Variants in SLC6A3 observed in about 807,000 individuals in gnomAD.
SLC6A3 encodes solute carrier family 6 member 3, also known as sodium-dependent dopamine transporter.
Under a neutral mutation model 70.4 loss-of-function variants are expected in SLC6A3, and 19 were observed. That is an observed-to-expected ratio of 0.27 (90% CI 0.19 to 0.40). The LOEUF (loss-of-function observed/expected upper bound fraction) is 0.40. SLC6A3 is among the 10% of genes least tolerant of loss of function. SLC6A3 has a pLI of 1.00. For missense variants in SLC6A3, 613 were observed against 838.5 expected (o/e 0.73, Z 3.32); for synonymous variants, 368 against 356.6 (o/e 1.03, Z -0.36).
chr5:1,429,027 G>A (rs1036253256), intron 4 of SLC6A3, among the ~76,000 whole-genome samples: 2 of 152,208 alleles, frequency 1.3e-5, no homozygotes, highest in Non-Finnish European at 2.9e-5. Context: ...GAGCTGCACT[G>A]TCACACATCA....
chr5:1,435,003 C>G (rs897517096), intron 3 of SLC6A3, among the ~76,000 whole-genome samples: 1 of 152,212 alleles, frequency 6.6e-6, no homozygotes, highest in Non-Finnish European at 1.5e-5. Flanking sequence ...CTATGTGGAT[C>G]TGGTCCATAT....
At chr5:1,431,411 T>G (rs1044866640) in intron 4 of SLC6A3, among the ~76,000 whole-genome samples, 1 of 145,854 alleles carries the variant, frequency 6.9e-6, no homozygotes, top group African/African-American at 2.6e-5. Flanking sequence ...CGGGCCTGGA[T>G]GGGGTGGACT....
intron 4 of SLC6A3, among the ~76,000 whole-genome samples, chr5:1,429,157 A>C (rs1756639119): frequency 1.3e-5 from 2 of 152,204 alleles, no homozygotes; most frequent in African/African-American, 4.8e-5. Flanking sequence ...TTTGAAATCC[A>C]GAACACCCCT....
intron 4 of SLC6A3, 143 bp downstream of exon 4, chr5:1,432,321 G>T: frequency 1.4e-6 from 1 of 711,792 alleles, no homozygotes; most frequent in Non-Finnish European, 2.5e-6. Flanking sequence ...CCCCTCCAGA[G>T]CACTAAAGGG....
chr5:1,443,844 G>C (rs759436331), intron 1 of SLC6A3, among the ~76,000 whole-genome samples: 24 of 150,678 alleles, frequency 1.6e-4, no homozygotes, highest in African/African-American at 4.9e-4. Context: ...AGTTATTTTT[G>C]TGTGTGTTTT....
rs185545887 is a variant in SLC6A3, at chr5:1,432,202, C to A, written c.653+262G>T. ...ATCAGCCCCCTCCCACCCTGAGCTG[C>A]CGCTGGGAGCAGCCAAGGGAGCTGC... On this transcript the variant is annotated intron_variant, in intron 4 of 14. Transcript: ENST00000270349. 1.7e-3 allele frequency among the ~76,000 whole-genome samples: 264 copies of A among 152,240 alleles called. 2 individuals carry two copies. Among genetic ancestry groups the A allele is most frequent in the African/African-American group, 5.8e-3 (243 of 41,548 alleles).
chr5:1,413,316 G>A lies in SLC6A3; in HGVS notation c.1156+1375C>T, dbSNP rs1022383418. On this transcript the variant is annotated intron_variant, in intron 8 of 14. Coordinates refer to ENST00000270349, the MANE Select transcript of SLC6A3 (RefSeq NM_001044.5). This position sits in a 1 kb window ranked among gnomAD's most constrained non-coding sequence, Gnocchi z 7.1. ...TAGTGGAAAGAACATGGGCTTAGGA[G>A]GCCCACCTCTGAGCTGTGGCTCCAG... Among the ~76,000 whole-genome samples the A allele has an allele frequency of 6.6e-6, 1 of 152,186 alleles. No individual in the cohort carries two copies. The highest frequency in any genetic ancestry group is 6.5e-5 in the Admixed American group (1 of 15,282).
At chr5:1,417,292 G>A (rs951558181) in intron 6 of SLC6A3, among the ~76,000 whole-genome samples, 8 of 151,920 alleles carry the variant, frequency 5.3e-5, no homozygotes, top group African/African-American at 1.2e-4. Flanking sequence ...CATGATGGTG[G>A]CGCCCTGACA....
Position 1,394,697 on chromosome 5 carries a change from T to TA in SLC6A3, c.*37_*38insT. 6.2e-7 allele frequency: 1 copy of TA among 1,607,046 alleles called. No individual in the cohort carries two copies. Among genetic ancestry groups the TA allele is most frequent in the Non-Finnish European group, 8.5e-7 (1 of 1,173,640 alleles). ...CTTGGTTTGTTCGTGTCTCTCCCATTGCAGGATGACTTCCTGGGGTCTTCG... is the reference window on the plus strand; with the variant it reads ...CTTGGTTTGTTCGTGTCTCTCCCATTAGCAGGATGACTTCCTGGGGTCTTCG... On this transcript the variant is annotated 3_prime_UTR_variant, in exon 15 of 15. Coordinates refer to ENST00000270349, the MANE Select transcript of SLC6A3 (RefSeq NM_001044.5). The surrounding 1 kb of genome is among the most constrained non-coding windows in gnomAD (Gnocchi z 4.7).
At chr5:1,412,845 C>A (rs1756160730) in intron 8 of SLC6A3, among the ~76,000 whole-genome samples, 1 of 152,202 alleles carries the variant, frequency 6.6e-6, no homozygotes, top group African/African-American at 2.4e-5. Flanking sequence ...ATCAGCCAAG[C>A]AGCGGGGTCA....
At chr5:1,409,179 C>A in intron 10 of SLC6A3, 54 bp from the exon 11 acceptor site, 1 of 1,285,698 alleles carries the variant, frequency 7.8e-7, no homozygotes, top group Non-Finnish European at 1.1e-6. Context: ...CAGAGGTAAA[C>A]CCAGCCTGGG....
chr5:1,411,475 G>A lies in SLC6A3; in HGVS notation c.1157-120C>T, dbSNP rs1034067463. 1.4e-5 allele frequency: 11 copies of A among 776,080 alleles called. No homozygotes were observed. The highest frequency in any genetic ancestry group is 2.7e-5 in the East Asian group (1 of 37,368). 48.1% of individuals were successfully genotyped at this position (776,080 alleles called of 1,614,324 possible). A position where few individuals can be genotyped will look rare whatever the true frequency, so the allele number is the denominator to read the frequency against. Reference sequence around the variant, plus strand: ...GGCCTGTAGAGACTAGGGCTGGTGCGGCTCTGCTGAAAAGCCCCCTTCTAT... The same window carrying A: ...GGCCTGTAGAGACTAGGGCTGGTGCAGCTCTGCTGAAAAGCCCCCTTCTAT... On this transcript the variant is annotated intron_variant, in intron 8 of 14. Transcript: ENST00000270349. The surrounding 1 kb of genome is among the most constrained non-coding windows in gnomAD (Gnocchi z 6.5).
intron 3 of SLC6A3, among the ~76,000 whole-genome samples, chr5:1,439,208 T>C (rs1444615783): frequency 1.3e-5 from 2 of 151,972 alleles, no homozygotes; most frequent in Non-Finnish European, 2.9e-5. Context: ...GACGGAGGCA[T>C]GTTCTGAGCA....
intron 4 of SLC6A3, among the ~76,000 whole-genome samples, chr5:1,430,355 C>T (rs964605033): frequency 1.3e-5 from 2 of 152,356 alleles, no homozygotes; most frequent in Admixed American, 1.3e-4. Context: ...AGAAAAACGC[C>T]GGGTGGCCCC....
chr5:1,431,242 G>A (rs1053677737), intron 4 of SLC6A3, among the ~76,000 whole-genome samples: 2 of 152,264 alleles, frequency 1.3e-5, no homozygotes, highest in African/African-American at 2.4e-5. Context: ...TGTCAGTAAC[G>A]ACCCTTCCAG....
chr5:1,409,578 G>A lies in SLC6A3; in HGVS notation c.1398+143C>T, dbSNP rs28363107. On this transcript the variant is annotated intron_variant, in intron 10 of 14. Transcript: ENST00000270349. ...GTGCAGTTACCCTGTGCACTGCTAC[G>A]AGTCATTTTCTGGGGTGGGTGGGTT... is the stretch of plus-strand genomic sequence containing the variant. The A allele has an allele frequency of 2.7e-3, 2,511 of 934,070 alleles. 28 individuals carry two copies. The highest frequency in any genetic ancestry group is 0.024 in the African/African-American group (1,505 of 62,332). 57.9% of individuals were successfully genotyped at this position (934,070 alleles called of 1,614,324 possible).
intron 3 of SLC6A3, among the ~76,000 whole-genome samples, chr5:1,440,165 T>G (rs246997): frequency 0.58 from 88,843 of 151,972 alleles, 26,133 homozygotes; most frequent in Non-Finnish European, 0.63. Context: ...ATGGATGGAT[T>G]AATCCATACA....
rs1330718683 is a variant in SLC6A3, at chr5:1,421,361, G to C, written c.792+515C>G. 6.6e-6 allele frequency among the ~76,000 whole-genome samples: 1 copy of C among 152,094 alleles called. No homozygotes were observed. The highest frequency in any genetic ancestry group is 1.5e-5 in the Non-Finnish European group (1 of 68,024). ...CCTGGCTAATTTCGTATTTTTAGTA[G>C]AGATGGGGTTTCATCATGTTGGCCA... On this transcript the variant is annotated intron_variant, in intron 5 of 14. Coordinates refer to ENST00000270349, the MANE Select transcript of SLC6A3 (RefSeq NM_001044.5). This position sits in a 1 kb window ranked among gnomAD's most constrained non-coding sequence, Gnocchi z 7.2.
Position 1,421,714 on chromosome 5 carries a change from CA to C in SLC6A3, c.792+161del, listed in dbSNP as rs1756440675. On this transcript the variant is annotated intron_variant, in intron 5 of 14. Transcript: ENST00000270349. The surrounding 1 kb of genome is among the most constrained non-coding windows in gnomAD (Gnocchi z 7.2). The stretch of plus-strand genomic sequence containing the variant: ...CCTGATTATGGCCATATGAGTCTCC[CA>C]AACTCAACCATGGCCATGTGTCCAC... Among the ~76,000 whole-genome samples the C allele has an allele frequency of 6.6e-6, 1 of 152,126 alleles. No homozygotes were observed. Among genetic ancestry groups the C allele is most frequent in the South Asian group, 2.1e-4 (1 of 4,830 alleles).
Sources: gnomAD v4.1 joint callset for allele counts (sites outside exome capture counted in the v4.1 genomes callset) on GRCh38, gnomAD v4.1.1 for gene constraint, Gnocchi (gnomAD v3.1) non-coding constraint, MANE v1.5 for transcripts, NCBI Gene and HGNC (gene_info 2026-07-23, HGNC 2026-07-21) for gene names.